Variants in PHAF1 observed in about 807,000 individuals in gnomAD.
PHAF1 encodes the protein phagosome assembly factor 1.
PHAF1 carries 23 observed loss-of-function variants against 63.1 expected under a neutral mutation model. The ratio of observed to expected loss-of-function variants is 0.36; its 90% confidence interval spans 0.26 to 0.52. The LOEUF (loss-of-function observed/expected upper bound fraction) is 0.52, where lower values mean the gene tolerates loss of function less well. PHAF1 is among the 20% of genes least tolerant of loss of function. PHAF1 has a pLI of 0.93. For missense variants in PHAF1, 427 were observed against 517.2 expected, an observed-to-expected ratio of 0.83 and a Z score of 1.69; for synonymous variants, 167 against 185.0, an observed-to-expected ratio of 0.90 and a Z score of 0.79.
Position 67,125,850 on chromosome 16 carries a change from T to C in PHAF1, c.148-109T>C, listed in dbSNP as rs1347109667. 6.4e-6 allele frequency: 5 copies of C among 779,868 alleles called. No individual in the cohort carries two copies. The Admixed American group carries it at 1.0e-4, about 16-fold the overall frequency. 48.3% of individuals were successfully genotyped at this position (779,868 alleles called of 1,614,324 possible). A position where few individuals can be genotyped will look rare whatever the true frequency, so the allele number is the denominator to read the frequency against. On this transcript the variant is annotated intron_variant, in intron 2 of 15. Coordinates refer to ENST00000219139, the MANE Select transcript of PHAF1 (RefSeq NM_025187.5). ...ACCATTAGCTGGAGGAGAGAGGGAC[T>C]GTCTGCACTTAGATATTCCTTGTGT...
At chr16:67,145,231 C>T in intron 12 of PHAF1, 145 bp from the exon 13 acceptor site, 1 of 902,250 alleles carries the variant, frequency 1.1e-6, no homozygotes, top group Non-Finnish European at 1.7e-6. Context: ...CCTCTTCCAC[C>T]CTGGAACTCC....
At chr16:67,145,976 C>A (rs1323940307) in intron 14 of PHAF1, among the ~76,000 whole-genome samples, 1 of 152,166 alleles carries the variant, frequency 6.6e-6, no homozygotes, top group Non-Finnish European at 1.5e-5. Context: ...AGTCCACAGC[C>A]CCGTTCCTGG....
intron 3 of PHAF1, among the ~76,000 whole-genome samples, 177 bp downstream of exon 3, chr16:67,126,219 A>G (rs1396470742): frequency 6.6e-6 from 1 of 152,188 alleles, no homozygotes; most frequent in East Asian, 1.9e-4. Context: ...AAAAGAGGGA[A>G]GATGGAAGTG....
intron 5 of PHAF1, 78 bp from the exon 6 acceptor site, chr16:67,132,739 T>G (rs1305151916): frequency 7.5e-7 from 1 of 1,339,472 alleles, no homozygotes. Flanking sequence ...CAGTCATTAC[T>G]CCCTGCCAGG....
chr16:67,137,245 TA>T (rs2145876030), intron 8 of PHAF1, among the ~76,000 whole-genome samples: 1 of 152,314 alleles, frequency 6.6e-6, no homozygotes, highest in South Asian at 2.1e-4. Context: ...ACGAATTTCT[TA>T]AAATGTGATT....
intron 15 of PHAF1, among the ~76,000 whole-genome samples, chr16:67,146,815 G>A (rs974640852): frequency 2.0e-5 from 3 of 152,170 alleles, no homozygotes; most frequent in African/African-American, 7.2e-5. Flanking sequence ...ACACTTAACA[G>A]TTCCAGAAGG....
In PHAF1 at chr16:67,132,439, T is replaced by G; in HGVS notation, c.276-7T>G. On this transcript the variant is annotated splice_polypyrimidine_tract_variant and splice_region_variant and intron_variant, in intron 4 of 15. Coordinates refer to ENST00000219139, the MANE Select transcript of PHAF1 (RefSeq NM_025187.5). ...GCCTAGTATTAAAAAATATTTTTGT[T>G]TTTCAGTGGCGTGCATTTTAATTCT... The G allele has an allele frequency of 6.3e-7, 1 of 1,593,692 alleles. No individual in the cohort carries two copies. The highest frequency in any genetic ancestry group is 8.6e-7 in the Non-Finnish European group (1 of 1,167,490).
intron 3 of PHAF1, among the ~76,000 whole-genome samples, chr16:67,127,039 C>T (rs1434328296): frequency 6.6e-6 from 1 of 151,856 alleles, no homozygotes; most frequent in African/African-American, 2.4e-5. Context: ...CAGGTGCGTG[C>T]CACTACGCCC....
Position 67,142,479 on chromosome 16 carries a change from A to C in PHAF1, c.880-1815A>C, listed in dbSNP as rs1459379139. Among the ~76,000 whole-genome samples the C allele has an allele frequency of 2.0e-5, 3 of 152,218 alleles. No homozygotes were observed. The East Asian group carries it at 5.8e-4, about 29-fold the overall frequency. ...AGCCCTTCTGCTTCCTACCACCATCAGCGTGCCATCCATGGTGCCCATGCT... is the reference window on the plus strand; with the variant it reads ...AGCCCTTCTGCTTCCTACCACCATCCGCGTGCCATCCATGGTGCCCATGCT... On this transcript the variant is annotated intron_variant, in intron 10 of 15. Coordinates refer to ENST00000219139, the MANE Select transcript of PHAF1 (RefSeq NM_025187.5).
intron 9 of PHAF1, 113 bp from the exon 10 acceptor site, chr16:67,140,398 T>C: frequency 9.9e-7 from 1 of 1,010,954 alleles, no homozygotes; most frequent in Non-Finnish European, 1.5e-6. Context: ...CTCCCCACTC[T>C]TGCTTGTTCC....
chr16:67,141,740 C>T (rs185274454), intron 10 of PHAF1, among the ~76,000 whole-genome samples: 16 of 152,288 alleles, frequency 1.1e-4, no homozygotes, highest in Admixed American at 2.0e-4. Flanking sequence ...GCTTCCATTG[C>T]GGGCACCCAT....
In PHAF1 at chr16:67,144,872, A is replaced by G; in HGVS notation, c.1001A>G (p.Lys334Arg). The change falls in exon 12 of 16, where the codon AAG becomes AGG. Residue 334 changes from lysine (K) to arginine (R), a missense_variant. Lys to Arg is a conservative substitution (Grantham distance 26, BLOSUM62 2). Transcript: ENST00000219139. ...GAGTTCAAGATCCCACTAGCCATAA[A>G]GAAAGGTGAGTAGTGAAAGCTCTCA... ...RCEFKIPLAI[K>R]KENADGQTET... 1 of 1,613,950 alleles carries G rather than the reference A, an allele frequency of 6.2e-7. No homozygotes were observed. Among genetic ancestry groups the G allele is most frequent in the Non-Finnish European group, 8.5e-7 (1 of 1,179,826 alleles).
chr16:67,144,469 T>C, intron 11 of PHAF1, 93 bp downstream of exon 11: 1 of 866,208 alleles, frequency 1.2e-6, no homozygotes, highest in Non-Finnish European at 1.9e-6. Context: ...TTCACTAATT[T>C]ATCTACACCT....
chr16:67,125,627 A>G (rs1159546489), intron 2 of PHAF1, among the ~76,000 whole-genome samples: 3 of 152,120 alleles, frequency 2.0e-5, no homozygotes, highest in African/African-American at 7.2e-5. Context: ...AGTGAACTTC[A>G]TTTTGCAGAT....
chr16:67,143,405 G>A (rs761235182), intron 10 of PHAF1, among the ~76,000 whole-genome samples: 9 of 152,108 alleles, frequency 5.9e-5, no homozygotes, highest in Admixed American at 2.6e-4. Flanking sequence ...GGGCGTGGTG[G>A]TGTGCACCTG....
chr16:67,135,009 TTAA>T, intron 8 of PHAF1: 2 of 281,258 alleles, frequency 7.1e-6, no homozygotes, highest in Non-Finnish European at 7.0e-6. Context: ...TTAGCAAATC[TTAA>T]TAAGCAACAG....
intron 1 of PHAF1, among the ~76,000 whole-genome samples, chr16:67,119,743 G>T (rs1275176266): frequency 3.4e-5 from 5 of 149,022 alleles, no homozygotes; most frequent in Non-Finnish European, 3.0e-5. Context: ...AGCTAGGCTG[G>T]TTTCAAATGC....
intron 3 of PHAF1, among the ~76,000 whole-genome samples, chr16:67,128,096 C>T (rs1963258890): frequency 1.5e-4 from 1 of 6,896 alleles, no homozygotes; most frequent in Non-Finnish European, 2.0e-4. Context: ...TTAATCCTAA[C>T]CCGCCTGTGA....
At chr16:67,110,312 T>G (rs1026584522) in intron 1 of PHAF1, 73 bp downstream of exon 1, 8 of 1,497,376 alleles carry the variant, frequency 5.3e-6, no homozygotes, top group Non-Finnish European at 7.3e-6. Flanking sequence ...CCACCTGTTC[T>G]CAGTCTCTCA....
Sources: gnomAD v4.1 joint callset for allele counts (sites outside exome capture counted in the v4.1 genomes callset) on GRCh38, gnomAD v4.1.1 for gene constraint, MANE v1.5 for transcripts, NCBI Gene and HGNC (gene_info 2026-07-23, HGNC 2026-07-21) for gene names.